The following RTP2 variants were observed in gnomAD, a reference collection of about 807,000 sequenced individuals.
RTP2 encodes receptor-transporting protein 2.
In RTP2, 12 loss-of-function variants were observed where a neutral mutation model predicts 17.9. The ratio of observed to expected loss-of-function variants is 0.67; its 90% CI spans 0.43 to 1.09. The LOEUF is 1.09. Ranked by LOEUF, RTP2 falls within the 50% of genes least tolerant of loss-of-function variation. RTP2 has a pLI of 0.00. For synonymous variants in RTP2, 126 were observed against 117.7 expected (o/e 1.07, Z -0.46); for missense variants, 327 against 295.7 (o/e 1.11, Z -0.78).
chr3:187,700,708 A>C (rs1402491270), intron 1 of RTP2, among the ~76,000 whole-genome samples: 1 of 152,250 alleles, frequency 6.6e-6, no homozygotes, highest in Non-Finnish European at 1.5e-5. Flanking sequence ...GGCGAGCTTA[A>C]GAAGCATCTA....
chr3:187,699,295 C>T (rs1717782507), intron 1 of RTP2, among the ~76,000 whole-genome samples: 1 of 152,102 alleles, frequency 6.6e-6, no homozygotes, highest in African/African-American at 2.4e-5. Flanking sequence ...CCCCCCAGCC[C>T]GATGCACTCA....
the RTP2 span, among the ~76,000 whole-genome samples, chr3:187,709,727 TTATC>T: frequency 2.0e-5 from 3 of 147,824 alleles, no homozygotes; most frequent in Non-Finnish European, 1.5e-5. Context: ...TGTGAAATGT[TTATC>T]TAAAGAGGGA....
chr3:187,713,734 A>G, the RTP2 span, among the ~76,000 whole-genome samples: 1 of 152,070 alleles, frequency 6.6e-6, no homozygotes, highest in African/African-American at 2.4e-5. Context: ...GAGGGGACCA[A>G]TCAGAGGTAC....
the RTP2 span, among the ~76,000 whole-genome samples, chr3:187,709,790 T>C: frequency 6.6e-6 from 1 of 152,210 alleles, no homozygotes; most frequent in Admixed American, 6.5e-5. Context: ...TGTGAGGACA[T>C]GCATTGGCAA....
exon 2 of RTP2, chr3:187,698,452 C>A (rs1717742408): frequency 6.6e-7 from 1 of 1,517,918 alleles, no homozygotes. Flanking sequence ...CTGTGTCCTC[C>A]CCACTCTCAA....
At chr3:187,710,400 T>TATA in the RTP2 span, among the ~76,000 whole-genome samples, 1 of 142,076 alleles carries the variant, frequency 7.0e-6, no homozygotes, top group Non-Finnish European at 1.5e-5. Context: ...TATATATATA[T>TATA]CATATATTAT....
At position 187,702,154 on chromosome 3, in the gene RTP2, C is replaced by T. The variant is rs141103446; in HGVS notation, c.-26G>A. ...GGTCCTGCTGGCAGAGGTGGCAGTT[C>T]GAGCTCAGCCCTGGTGAGAACACAG... On this transcript the variant is annotated 5_prime_UTR_variant, in exon 1 of 2. Transcript: ENST00000358241. 1.1e-4 allele frequency: 177 copies of T among 1,579,478 alleles called. No individual in the cohort carries two copies. In the African/African-American group the frequency reaches 1.9e-3, roughly 17 times the overall value.
At chr3:187,704,160 T>C (rs1717931706), upstream of RTP2, among the ~76,000 whole-genome samples, 1 of 152,206 alleles carries the variant, frequency 6.6e-6, no homozygotes, top group Non-Finnish European at 1.5e-5. Context: ...TTGTTATTTC[T>C]TTATAAAATA....
upstream of RTP2, among the ~76,000 whole-genome samples, chr3:187,702,993 G>A (rs1717893039): frequency 6.7e-6 from 1 of 149,610 alleles, no homozygotes; most frequent in African/African-American, 2.4e-5. Context: ...GGGGTAATGA[G>A]TTTGTTCTGT....
exon 2 of RTP2, chr3:187,698,706 G>T (rs768899896): frequency 6.2e-7 from 1 of 1,614,064 alleles, no homozygotes; most frequent in South Asian, 1.1e-5. Context: ...CTCCTGGCAG[G>T]CCTCACAGAA....
At chr3:187,710,218 G>C in the RTP2 span, among the ~76,000 whole-genome samples, 2 of 152,010 alleles carry the variant, frequency 1.3e-5, no homozygotes, top group African/African-American at 2.4e-5. Context: ...TTGAGACTCA[G>C]GCTGGAATCT....
upstream of RTP2, among the ~76,000 whole-genome samples, chr3:187,707,117 A>C (rs1020320447): frequency 4.6e-5 from 7 of 152,258 alleles, no homozygotes; most frequent in Non-Finnish European, 8.8e-5. Context: ...AAACATCTAC[A>C]CATGGCCTTT....
chr3:187,709,452 G>A, the RTP2 span, among the ~76,000 whole-genome samples: 11 of 152,254 alleles, frequency 7.2e-5, no homozygotes, highest in East Asian at 1.4e-3. Context: ...TTTGGAGGCC[G>A]AGGTGGGCAG....
the RTP2 span, among the ~76,000 whole-genome samples, chr3:187,709,540 C>T: frequency 6.6e-6 from 1 of 152,058 alleles, no homozygotes; most frequent in Non-Finnish European, 1.5e-5. Flanking sequence ...AAAAAATTGG[C>T]CAGGCATGGT....
chr3:187,701,516 G>A (rs1447285237), intron 1 of RTP2, among the ~76,000 whole-genome samples: 2 of 152,184 alleles, frequency 1.3e-5, no homozygotes, highest in African/African-American at 2.4e-5. Context: ...GCACACAGCA[G>A]GTGGTCAATA....
the RTP2 span, among the ~76,000 whole-genome samples, chr3:187,712,192 C>T: frequency 6.6e-6 from 1 of 152,114 alleles, no homozygotes; most frequent in Non-Finnish European, 1.5e-5. Flanking sequence ...GTGGATTATA[C>T]CCACTGAGTC....
the RTP2 span, among the ~76,000 whole-genome samples, chr3:187,708,010 G>A: frequency 2.0e-5 from 3 of 152,188 alleles, no homozygotes; most frequent in African/African-American, 7.2e-5. Flanking sequence ...TGGAGAAATA[G>A]TTTACAATGT....
upstream of RTP2, chr3:187,702,572 ATGAGGGACAGGGAAAGGCAGAGCC>A (rs1736214535): frequency 4.4e-6 from 2 of 457,216 alleles, no homozygotes; most frequent in Non-Finnish European, 8.8e-6. Flanking sequence ...TCAAGGAGAA[ATGAGGGACAGGGAAAGGCAGAGCC>A]TGCTGCTTCC....
the RTP2 span, among the ~76,000 whole-genome samples, chr3:187,709,117 C>T: frequency 6.6e-6 from 1 of 152,074 alleles, no homozygotes; most frequent in African/African-American, 2.4e-5. Flanking sequence ...CCCTGCCCTT[C>T]ATTTTTTCCA....
Sources: gnomAD v4.1 joint callset for allele counts (sites outside exome capture counted in the v4.1 genomes callset) on GRCh38, gnomAD v4.1.1 for gene constraint, MANE v1.5 for transcripts, NCBI Gene and HGNC (gene_info 2026-07-23, HGNC 2026-07-21) for gene names.